PCDH11X: variants seen among roughly 807,000 people sequenced by gnomAD.
PCDH11X encodes protocadherin-11 X-linked.
A neutral mutation model predicts 53.3 loss-of-function variants in PCDH11X; 18 were observed. The ratio of observed to expected loss-of-function variants is 0.34; its 90% CI spans 0.23 to 0.50. PCDH11X has a LOEUF of 0.50. Ranked by LOEUF, PCDH11X falls within the 20% of genes least tolerant of loss-of-function variation. PCDH11X has a pLI of 0.98. For synonymous variants in PCDH11X, 279 were observed against 393.3 expected (o/e 0.71, Z 3.44); for missense variants, 570 against 1,032.4 (o/e 0.55, Z 6.14).
intron 7 of PCDH11X, among the ~76,000 whole-genome samples, chrX:92,250,035 G>A (rs943256239): frequency 1.8e-5 from 2 of 110,881 alleles, no homozygotes; most frequent in African/African-American, 3.3e-5. Context: ...TCGCTCTAAC[G>A]GAGGGAATTT....
chrX:92,193,865 T>C (rs1457669068), intron 6 of PCDH11X, among the ~76,000 whole-genome samples: 1 of 111,895 alleles, frequency 8.9e-6, no homozygotes, highest in East Asian at 2.8e-4. Context: ...TGGAAAAAAC[T>C]ACTTTGATGG....
intron 7 of PCDH11X, 89 bp downstream of exon 7, chrX:92,201,544 A>G (rs1022347180): frequency 2.7e-5 from 14 of 520,129 alleles, no homozygotes; most frequent in Middle Eastern, 3.4e-4. Flanking sequence ...TAGTGTGCAT[A>G]ATGTGTATTC....
intron 10 of PCDH11X, among the ~76,000 whole-genome samples, chrX:92,577,603 CT>C (rs1405194604): frequency 3.7e-5 from 4 of 108,781 alleles, no homozygotes; most frequent in Non-Finnish European, 7.6e-5. Flanking sequence ...GGTTTGTTTG[CT>C]TTTGGTTCTC....
chrX:92,045,984 GA>G (rs1247448317), intron 6 of PCDH11X, among the ~76,000 whole-genome samples: 43 of 109,455 alleles, frequency 3.9e-4, no homozygotes, highest in African/African-American at 1.3e-3. Flanking sequence ...TTTTGGCAGG[GA>G]TTCCAGTAAA....
chrX:92,311,974 A>G (rs1008829611), intron 8 of PCDH11X, among the ~76,000 whole-genome samples: 3 of 111,675 alleles, frequency 2.7e-5, no homozygotes, highest in Admixed American at 9.6e-5. Flanking sequence ...ATTAGTTACT[A>G]TTTTTGAGAG....
chrX:92,508,473 A>G (rs2750875), intron 10 of PCDH11X, among the ~76,000 whole-genome samples: 31,958 of 110,039 alleles, frequency 0.29, 3,898 homozygotes, highest in Non-Finnish European at 0.37. Context: ...CACCTGCCTC[A>G]GCCTCCCAAA....
chrX:91,971,198 G>A (rs1321517904), intron 6 of PCDH11X, among the ~76,000 whole-genome samples: 1 of 110,194 alleles, frequency 9.1e-6, no homozygotes, highest in Non-Finnish European at 1.9e-5. Context: ...TCTTCAAAAG[G>A]AGCAGAGAAT....
intron 6 of PCDH11X, among the ~76,000 whole-genome samples, chrX:92,036,331 A>G (rs1402724842): frequency 9.2e-6 from 1 of 109,287 alleles, no homozygotes; most frequent in African/African-American, 3.3e-5. Context: ...GTCTCCACCA[A>G]AACCTCATCT....
At chrX:91,934,415 G>T (rs926659147) in intron 6 of PCDH11X, among the ~76,000 whole-genome samples, 4 of 111,183 alleles carry the variant, frequency 3.6e-5, no homozygotes, top group African/African-American at 1.3e-4. Context: ...TCTTTTGAAA[G>T]AATAGCTTTT....
chrX:92,121,747 G>T (rs1346128957), intron 6 of PCDH11X, among the ~76,000 whole-genome samples: 1 of 101,507 alleles, frequency 9.9e-6, no homozygotes, highest in Admixed American at 1.1e-4. Context: ...TATTTTTTGA[G>T]ATGGAGTCTC....
At chrX:92,006,920 A>T (rs1180472416) in intron 6 of PCDH11X, among the ~76,000 whole-genome samples, 1 of 110,816 alleles carries the variant, frequency 9.0e-6, no homozygotes, top group Non-Finnish European at 1.9e-5. Context: ...TCAGGCAGAG[A>T]CTCTTGTTCT....
chrX:92,164,891 C>A (rs1372228001), intron 6 of PCDH11X, among the ~76,000 whole-genome samples: 3 of 105,065 alleles, frequency 2.9e-5, no homozygotes, highest in Admixed American at 2.1e-4. Context: ...AGTTTCCCTG[C>A]ACAAGCTCTG....
chrX:91,828,004 A>G (rs1247720079), intron 4 of PCDH11X, among the ~76,000 whole-genome samples: 1 of 110,691 alleles, frequency 9.0e-6, no homozygotes, highest in Non-Finnish European at 1.9e-5. Context: ...CATATGAATA[A>G]CAATCTGTAA....
At chrX:92,379,030 A>T (rs1319064877) in intron 8 of PCDH11X, among the ~76,000 whole-genome samples, 1 of 112,955 alleles carries the variant, frequency 8.9e-6, no homozygotes, top group African/African-American at 3.2e-5. Context: ...CACTGCCATG[A>T]CACCAGCTGC....
rs1185166700 is a variant in PCDH11X, at chrX:92,618,636, C to T, written c.3740C>T (p.Pro1247Leu). The change falls in exon 11 of 11, where the codon CCT becomes CTT. Residue 1247 changes from proline to leucine, a missense_variant. Around this residue, in one of 6 missense-constraint regions of PCDH11X, gnomAD observed 234 missense variants for 296.1 expected, o/e 0.79. Transcript: ENST00000682573. ...SAQASALCYSPPLAQAAAISH... is the reference protein window; with the variant it reads ...SAQASALCYSLPLAQAAAISH... Reference sequence around the variant, plus strand: ...CAGGCCTCAGCCCTCTGCTACAGCCCTCCTTTAGCACAGGCTGCTGCAATC... The same window carrying T: ...CAGGCCTCAGCCCTCTGCTACAGCCTTCCTTTAGCACAGGCTGCTGCAATC... The T allele has an allele frequency of 8.2e-7, 1 of 1,212,143 alleles. No homozygotes were observed. Among genetic ancestry groups the T allele is most frequent in the Admixed American group, 2.2e-5 (1 of 46,091 alleles).
intron 9 of PCDH11X, among the ~76,000 whole-genome samples, chrX:92,424,836 T>C (rs1321522071): frequency 1.0e-5 from 1 of 97,345 alleles, no homozygotes; most frequent in African/African-American, 3.3e-5. Flanking sequence ...CCAGAGATTT[T>C]AGTTATAACA....
intron 6 of PCDH11X, among the ~76,000 whole-genome samples, chrX:92,158,602 T>A (rs1468612021): frequency 8.9e-6 from 1 of 112,115 alleles, no homozygotes; most frequent in Admixed American, 9.5e-5. Flanking sequence ...GATTTTAAGA[T>A]TGCCTGAATG....
intron 10 of PCDH11X, 70 bp from the exon 11 acceptor site, chrX:92,618,194 A>G (rs1195831139): frequency 1.7e-6 from 2 of 1,148,208 alleles, no homozygotes; most frequent in Non-Finnish European, 2.3e-6. Flanking sequence ...TGTCACAATG[A>G]TATTTAAGTG....
intron 10 of PCDH11X, among the ~76,000 whole-genome samples, chrX:92,567,618 T>A (rs908657077): frequency 9.2e-6 from 1 of 108,942 alleles, no homozygotes; most frequent in Non-Finnish European, 1.9e-5. Flanking sequence ...TACGCTACAT[T>A]TTTTTCTCCT....
Sources: gnomAD v4.1 joint callset for allele counts (sites outside exome capture counted in the v4.1 genomes callset) on GRCh38, gnomAD v4.1.1 for gene constraint, gnomAD v4.1.1 regional missense constraint, MANE v1.5 for transcripts, NCBI Gene and HGNC (gene_info 2026-07-23, HGNC 2026-07-21) for gene names.